POU2AF3: variants seen among roughly 807,000 people sequenced by gnomAD.
POU2AF3 encodes the protein cancer susceptibility candidate 13.
chr11:111,307,937 T>A, the POU2AF3 span: 2 of 732,932 alleles, frequency 2.7e-6, no homozygotes, highest in African/African-American at 1.8e-5. Context: ...AGACTTGGGT[T>A]GGGTGTTGTT....
At chr11:111,303,437 G>C in the POU2AF3 span, among the ~76,000 whole-genome samples, 4 of 152,184 alleles carry the variant, frequency 2.6e-5, no homozygotes, top group South Asian at 8.3e-4. Context: ...GCCTTTCTTT[G>C]TATTCTTGGA....
At chr11:111,298,826 G>GCGGCC in the POU2AF3 span, 7 of 790,962 alleles carry the variant, frequency 8.8e-6, no homozygotes, top group Non-Finnish European at 1.0e-5. Context: ...CGTACCCCAG[G>GCGGCC]CCCCCGCCCG....
At chr11:111,298,722 G>A in the POU2AF3 span, 4 of 1,098,550 alleles carry the variant, frequency 3.6e-6, no homozygotes, top group Non-Finnish European at 3.5e-6. Context: ...CCGGGGATCC[G>A]GAGAGGACGC....
the POU2AF3 span, chr11:111,300,689 T>C: frequency 1.2e-6 from 1 of 857,442 alleles, no homozygotes; most frequent in African/African-American, 1.8e-5. Context: ...GTCTGCAAGG[T>C]GTGGAGGCCA....
chr11:111,306,416 A>T, the POU2AF3 span: 1 of 1,464,838 alleles, frequency 6.8e-7, no homozygotes, highest in Non-Finnish European at 9.0e-7. Flanking sequence ...AGCCTGAACC[A>T]ATTTCTTCCA....
the POU2AF3 span, among the ~76,000 whole-genome samples, chr11:111,300,881 T>C: frequency 6.6e-6 from 1 of 152,250 alleles, no homozygotes. Flanking sequence ...AAAAAGTGCG[T>C]TGGTCCTCTG....
the POU2AF3 span, chr11:111,298,720 C>T: frequency 9.1e-7 from 1 of 1,095,214 alleles, no homozygotes; most frequent in Non-Finnish European, 1.2e-6. Flanking sequence ...GGCCGGGGAT[C>T]CGGAGAGGAC....
At chr11:111,299,560 G>C in the POU2AF3 span, 4 of 1,207,136 alleles carry the variant, frequency 3.3e-6, no homozygotes, top group Non-Finnish European at 4.1e-6. Flanking sequence ...GGGGCAGTCC[G>C]ACCGGGCCCC....
the POU2AF3 span, chr11:111,299,365 G>T: frequency 3.0e-6 from 3 of 992,888 alleles, no homozygotes; most frequent in African/African-American, 1.7e-5. Flanking sequence ...GGCCGGAGCC[G>T]CCCCGGACTC....
At chr11:111,304,997 C>A in the POU2AF3 span, 1 of 1,228,508 alleles carries the variant, frequency 8.1e-7, no homozygotes, top group Middle Eastern at 3.1e-4. Context: ...GTACAGCCAG[C>A]ATTAACAGTT....
the POU2AF3 span, chr11:111,299,211 C>G: frequency 2.1e-6 from 2 of 975,418 alleles, no homozygotes; most frequent in African/African-American, 3.5e-5. Flanking sequence ...TGTCCAGCTG[C>G]GGTCCCCGCA....
the POU2AF3 span, among the ~76,000 whole-genome samples, chr11:111,303,940 A>G: frequency 6.6e-6 from 1 of 152,198 alleles, no homozygotes; most frequent in African/African-American, 2.4e-5. Flanking sequence ...TATTAATTCA[A>G]CTGAAAAATG....
At chr11:111,308,209 A>G in the POU2AF3 span, 3 of 1,551,796 alleles carry the variant, frequency 1.9e-6, no homozygotes, top group Non-Finnish European at 2.6e-6. Flanking sequence ...GCTACCCCCC[A>G]GAAGACCATT....
the POU2AF3 span, chr11:111,299,204 C>T: frequency 2.9e-5 from 28 of 973,624 alleles, no homozygotes; most frequent in Non-Finnish European, 3.3e-5. Context: ...TCCCTGCTGT[C>T]CAGCTGCGGT....
the POU2AF3 span, among the ~76,000 whole-genome samples, chr11:111,301,338 C>T: frequency 5.0e-4 from 76 of 152,272 alleles, no homozygotes; most frequent in African/African-American, 1.8e-3. Context: ...GGGTTATTGC[C>T]CAAGAGAGGG....
At chr11:111,304,284 A>C in the POU2AF3 span, among the ~76,000 whole-genome samples, 1 of 151,296 alleles carries the variant, frequency 6.6e-6, no homozygotes, top group Non-Finnish European at 1.5e-5. Context: ...TTTGAGAAAA[A>C]TAATTGACTA....
chr11:111,301,091 A>G, the POU2AF3 span, among the ~76,000 whole-genome samples: 1 of 152,144 alleles, frequency 6.6e-6, no homozygotes, highest in African/African-American at 2.4e-5. Flanking sequence ...GAGATCATTT[A>G]TCTGTAAATC....
the POU2AF3 span, chr11:111,304,896 C>T: frequency 8.2e-7 from 1 of 1,213,924 alleles, no homozygotes. Flanking sequence ...TTTCTTTCAG[C>T]CTGCTTCACG....
the POU2AF3 span, among the ~76,000 whole-genome samples, chr11:111,304,362 A>C: frequency 6.6e-6 from 1 of 152,202 alleles, no homozygotes; most frequent in Non-Finnish European, 1.5e-5. Context: ...GTTTAATAGG[A>C]AGCCTTTTGC....
Sources: gnomAD v4.1 joint callset for allele counts (sites outside exome capture counted in the v4.1 genomes callset) on GRCh38, gnomAD v4.1.1 for gene constraint, MANE v1.5 for transcripts, NCBI Gene and HGNC (gene_info 2026-07-23, HGNC 2026-07-21) for gene names.